The following PLD2 variants were observed in gnomAD, a reference collection of about 807,000 sequenced individuals.
PLD2 encodes phospholipase D2.
PLD2 carries 101 observed loss-of-function variants against 119.8 expected under a neutral mutation model. That is an observed-to-expected ratio of 0.84 (90% CI 0.72 to 0.99). The LOEUF (loss-of-function observed/expected upper bound fraction) is 0.99, where lower values mean the gene tolerates loss of function less well. PLD2 is among the 50% of genes least tolerant of loss of function. The probability of loss-of-function intolerance (pLI) is 0.00; values close to 1 mark genes in which losing one functional copy is unlikely to be tolerated. For synonymous variants in PLD2, 494 were observed against 482.8 expected (o/e 1.02, Z -0.30); for missense variants, 1,164 against 1,226.8 (o/e 0.95, Z 0.76).
At chr17:4,821,462 CG>C (rs1907663596) in intron 23 of PLD2, among the ~76,000 whole-genome samples, 1 of 152,088 alleles carries the variant, frequency 6.6e-6, no homozygotes, top group Non-Finnish European at 1.5e-5. Flanking sequence ...GGCGTTACCA[CG>C]GCTCACTGCA....
chr17:4,814,109 T>C (rs1053185017), intron 10 of PLD2: 7 of 282,746 alleles, frequency 2.5e-5, no homozygotes, highest in Non-Finnish European at 4.0e-5. Context: ...CAGTTCTTAC[T>C]CTTTGCTCAT....
chr17:4,807,448 C>T lies in PLD2; in HGVS notation c.-2+223C>T, dbSNP rs1420371077. Reference sequence around the variant, plus strand: ...CGTAGCCGCGCGCTCTCCGGACCACCCAGGGCCGCTTCCCCGCGCAGCTGC... The same window carrying T: ...CGTAGCCGCGCGCTCTCCGGACCACTCAGGGCCGCTTCCCCGCGCAGCTGC... On this transcript the variant is annotated intron_variant, in intron 1 of 24. Coordinates refer to ENST00000263088, the MANE Select transcript of PLD2 (RefSeq NM_002663.5). The surrounding 1 kb of genome is among the most constrained non-coding windows in gnomAD (Gnocchi z 5.4). 1 of 243,506 alleles carries T rather than the reference C, an allele frequency of 4.1e-6. No homozygotes were observed. Among genetic ancestry groups the T allele is most frequent in the Non-Finnish European group, 8.1e-6 (1 of 123,656 alleles). The allele number at this position is 243,506 out of a possible 1,614,324, so 15.1% of individuals were successfully genotyped here. A position where few individuals can be genotyped will look rare whatever the true frequency, so the allele number is the denominator to read the frequency against.
Position 4,815,540 on chromosome 17 carries a change from G to A in PLD2, c.1238G>A (p.Ser413Asn). 6.2e-7 allele frequency: 1 copy of A among 1,613,830 alleles called. No homozygotes were observed. The highest frequency in any genetic ancestry group is 8.5e-7 in the Non-Finnish European group (1 of 1,179,832). ...GTGGAATTGGCCTTGGGCATCAACA[G>A]TGGCTATAGCAAGAGGGCGCTGATG... is the stretch of plus-strand genomic sequence containing the variant. ...KEVELALGIN[S>N]GYSKRALMLL... is the part of the protein sequence containing the mutation. The change falls in exon 13 of 25, where the codon AGT (serine) becomes AAT (asparagine). Residue 413 changes from serine to asparagine, a missense_variant. Physicochemically the swap from Ser to Asn is conservative, Grantham distance 46 (BLOSUM62 1). Transcript: ENST00000263088.
At chr17:4,815,027 G>A (rs1466181742) in intron 12 of PLD2, among the ~76,000 whole-genome samples, 1 of 152,202 alleles carries the variant, frequency 6.6e-6, no homozygotes, top group African/African-American at 2.4e-5. Flanking sequence ...CCACTACAAG[G>A]CACAGTACCT....
rs780337754 is a variant in PLD2 at position 4,819,614 on chromosome 17, A to C, written c.2462+32A>C. 5.1e-6 allele frequency: 8 copies of C among 1,581,186 alleles called. No individual in the cohort carries two copies. The African/African-American group carries it at 9.4e-5, about 19-fold the overall frequency. On this transcript the variant is annotated intron_variant, in intron 23 of 24. Transcript: ENST00000263088. This position sits in a 1 kb window ranked among gnomAD's most constrained non-coding sequence, Gnocchi z 4.2. The stretch of plus-strand genomic sequence containing the variant: ...CTGGGGCGGGATGCCACAGGGTGGG[A>C]GGGAGATGGGGGCGTCTGCCTTTTG...
chr17:4,819,209 G>A lies in PLD2; in HGVS notation c.2299G>A (p.Val767Ile), dbSNP rs747733732. 6.2e-7 allele frequency: 1 copy of A among 1,614,094 alleles called. No homozygotes were observed. The highest frequency in any genetic ancestry group is 1.7e-5 in the Admixed American group (1 of 60,026). ...GGTGCTCATCGCAGATGACCGGACA[G>A]TCATCATTGGTCAGTGCCGGATCTA... ...SKVLIADDRT[V>I]IIGSANINDR... is the part of the protein sequence containing the mutation. The change falls in exon 22 of 25, where the codon GTC becomes ATC. Residue 767 changes from valine (V) to isoleucine (I), a missense_variant. Physicochemically the swap from Val to Ile is conservative, Grantham distance 29. Transcript: ENST00000263088. The surrounding 1 kb of genome is among the most constrained non-coding windows in gnomAD (Gnocchi z 4.2).
rs1011577359 is a variant in PLD2 at position 4,807,632 on chromosome 17, G to T, written c.-1-140G>T. The T allele has an allele frequency of 1.8e-5, 11 of 602,512 alleles. No homozygotes were observed. The African/African-American group carries it at 2.0e-4, about 11-fold the overall frequency. The allele number at this position is 602,512 out of a possible 1,614,324, so 37.3% of individuals were successfully genotyped here. A position where few individuals can be genotyped will look rare whatever the true frequency, so the allele number is the denominator to read the frequency against. On this transcript the variant is annotated intron_variant, in intron 1 of 24. Coordinates refer to ENST00000263088, the MANE Select transcript of PLD2 (RefSeq NM_002663.5). This position sits in a 1 kb window ranked among gnomAD's most constrained non-coding sequence, Gnocchi z 5.4. The stretch of plus-strand genomic sequence containing the variant: ...AGGGGTCGGTGGGGCGTTGCAAACT[G>T]GTCAGGCGTCATCCGCGGGCGGTCA...
At chr17:4,813,984 T>C (rs1597327277) in intron 10 of PLD2, among the ~76,000 whole-genome samples, 2 of 152,244 alleles carry the variant, frequency 1.3e-5, no homozygotes, top group East Asian at 3.8e-4. Flanking sequence ...ACCAGTGATT[T>C]GAATTATTAC....
intron 5 of PLD2, 34 bp downstream of exon 5, chr17:4,809,239 T>C (rs746102993): frequency 2.4e-5 from 38 of 1,611,074 alleles, no homozygotes; most frequent in Non-Finnish European, 2.7e-5. Context: ...CGGGAAGGCA[T>C]TGGAGGTGCA....
At position 4,817,011 on chromosome 17, in the gene PLD2, C is replaced by G; in HGVS notation, c.1657C>G (p.Arg553Gly). The change falls in exon 16 of 25, where the codon CGG (arginine) becomes GGG (glycine). Residue 553 changes from arginine to glycine, a missense_variant. Arg to Gly is a moderately radical substitution (Grantham distance 125). Transcript: ENST00000263088. ...GGTGGTCGTCCATGGCCTACCGGCC[C>G]GGGACCTTGCCCGGCACTTCATCCA... ...VGVVVHGLPARDLARHFIQRW... is the reference protein window; with the variant it reads ...VGVVVHGLPAGDLARHFIQRW... 6.2e-7 allele frequency: 1 copy of G among 1,613,946 alleles called. No homozygotes were observed. The highest frequency in any genetic ancestry group is 2.2e-5 in the East Asian group (1 of 44,876).
rs1292659568 is a variant in PLD2, at chr17:4,809,775, G to A, written c.699G>A (p.Trp233Ter). 3 of 1,614,158 alleles carry A rather than the reference G, an allele frequency of 1.9e-6. No homozygotes were observed. The highest frequency in any genetic ancestry group is 2.5e-6 in the Non-Finnish European group (3 of 1,180,024). ...CCGRDQVCYR[W>*]SKRWLVVKDS... Reference sequence around the variant, plus strand: ...GCCGAGACCAAGTTTGTTATCGCTGGTCCAAGAGGTACGGGCTATGGCCAA... The same window carrying A: ...GCCGAGACCAAGTTTGTTATCGCTGATCCAAGAGGTACGGGCTATGGCCAA... The change falls in exon 8 of 25, where the codon TGG becomes TGA. Residue 233 changes from tryptophan to a stop codon, truncating the protein, a stop_gained. Coordinates refer to ENST00000263088, the MANE Select transcript of PLD2 (RefSeq NM_002663.5). LOFTEE classifies it high-confidence loss of function.
chr17:4,817,038 C>A lies in PLD2; in HGVS notation c.1684C>A (p.Arg562Ser). ...ARDLARHFIQRWNFTKTTKAK... is the reference protein window; with the variant it reads ...ARDLARHFIQSWNFTKTTKAK... ...GGACCTTGCCCGGCACTTCATCCAG[C>A]GCTGGAACTTCACCAAGGTGTTCAT... Residue 562 changes from arginine to serine, a missense_variant, in exon 16 of 25, where the codon CGC (arginine) becomes AGC (serine). Coordinates refer to ENST00000263088, the MANE Select transcript of PLD2 (RefSeq NM_002663.5). The A allele has an allele frequency of 1.9e-6, 3 of 1,613,536 alleles. No homozygotes were observed. The highest frequency in any genetic ancestry group is 2.2e-5 in the East Asian group (1 of 44,884).
Position 4,818,483 on chromosome 17 carries a change from C to A in PLD2, c.2010-11C>A. 6.2e-7 allele frequency: 1 copy of A among 1,609,630 alleles called. No homozygotes were observed. Among genetic ancestry groups the A allele is most frequent in the Non-Finnish European group, 8.5e-7 (1 of 1,175,978 alleles). ...GGACCAGTCGCACCTCTGACTCCAC[C>A]CCCTCCCCAGACAGGGGTGGTGTTA... On this transcript the variant is annotated splice_polypyrimidine_tract_variant and intron_variant, in intron 19 of 24. Coordinates refer to ENST00000263088, the MANE Select transcript of PLD2 (RefSeq NM_002663.5).
rs1325925527 is a variant in PLD2, at chr17:4,819,939, A to G, written c.2462+357A>G. ...GTAAAGCAGGAACACCAAAAAACAA[A>G]AAGAGAAAAAAATCTTTTTTTTTTG... is the stretch of plus-strand genomic sequence containing the variant. On this transcript the variant is annotated intron_variant, in intron 23 of 24. Coordinates refer to ENST00000263088, the MANE Select transcript of PLD2 (RefSeq NM_002663.5). The surrounding 1 kb of genome is among the most constrained non-coding windows in gnomAD (Gnocchi z 4.2). Among the ~76,000 whole-genome samples, 1 of 152,174 alleles carries G rather than the reference A, an allele frequency of 6.6e-6. No individual in the cohort carries two copies. Among genetic ancestry groups the G allele is most frequent in the African/African-American group, 2.4e-5 (1 of 41,438 alleles).
Position 4,821,780 on chromosome 17 carries a change from C to G in PLD2, c.2463-13C>G. 1.3e-6 allele frequency: 2 copies of G among 1,592,998 alleles called. No homozygotes were observed. Among genetic ancestry groups the G allele is most frequent in the Non-Finnish European group, 8.6e-7 (1 of 1,160,918 alleles). On this transcript the variant is annotated splice_polypyrimidine_tract_variant and intron_variant, in intron 23 of 24. Transcript: ENST00000263088. ...TCTTAATCTGGCCCTGCTGGGACCC[C>G]TTTCTCCTATAGTGTGATTCTTGGA...
At chr17:4,810,776 A>C in intron 9 of PLD2, 26 bp from the exon 10 acceptor site, 1 of 1,597,258 alleles carries the variant, frequency 6.3e-7, no homozygotes, top group Non-Finnish European at 8.5e-7. Flanking sequence ...GCGAGGATTT[A>C]TGGACATCTC....
At position 4,808,186 on chromosome 17, in the gene PLD2, C is replaced by T; in HGVS notation, c.240+72C>T. The T allele has an allele frequency of 6.3e-7, 1 of 1,591,708 alleles. No homozygotes were observed. The highest frequency in any genetic ancestry group is 2.2e-5 in the East Asian group (1 of 44,528). On this transcript the variant is annotated intron_variant, in intron 3 of 24. Transcript: ENST00000263088. The surrounding 1 kb of genome is among the most constrained non-coding windows in gnomAD (Gnocchi z 4.1). ...ATGGATCCAAGGTGGCTGGGCTGGC[C>T]CCAGGGAAGGGGCAAAAGGAGGGCT...
In PLD2 at chr17:4,819,549, G is replaced by A. The variant is rs781198740; in HGVS notation, c.2429G>A (p.Arg810Lys). ...AATGGGGCAGAGTATCAGGCGGGCA[G>A]GTTTGCCTTGAGTCTGCGGAAGCAC... is the stretch of plus-strand genomic sequence containing the variant. ...LMNGAEYQAG[R>K]FALSLRKHCF... is the part of the protein sequence containing the mutation. The change falls in exon 23 of 25, where the codon AGG (arginine) becomes AAG (lysine). Residue 810 changes from arginine to lysine, a missense_variant. Physicochemically the swap from Arg to Lys is conservative, Grantham distance 26. Coordinates refer to ENST00000263088, the MANE Select transcript of PLD2 (RefSeq NM_002663.5). The surrounding 1 kb of genome is among the most constrained non-coding windows in gnomAD (Gnocchi z 4.2). 1 of 1,613,642 alleles carries A rather than the reference G, an allele frequency of 6.2e-7. No individual in the cohort carries two copies. Among genetic ancestry groups the A allele is most frequent in the Non-Finnish European group, 8.5e-7 (1 of 1,179,716 alleles).
At chr17:4,815,090 T>C (rs555658453) in intron 12 of PLD2, among the ~76,000 whole-genome samples, 94 of 151,954 alleles carry the variant, frequency 6.2e-4, no homozygotes, top group African/African-American at 2.2e-3. Flanking sequence ...GATGCATGGA[T>C]GATGCAGGGT....
Sources: allele counts gnomAD v4.1 joint callset (sites outside exome capture counted in the v4.1 genomes callset), GRCh38; gene constraint gnomAD v4.1.1; non-coding constraint Gnocchi (gnomAD v3.1); transcripts MANE v1.5; gene names NCBI Gene and HGNC (gene_info 2026-07-23, HGNC 2026-07-21).